The following AARS1 variants were observed in gnomAD, a reference collection of about 807,000 sequenced individuals.
AARS1 encodes alanine--tRNA ligase, cytoplasmic.
A neutral mutation model predicts 108.9 loss-of-function variants in AARS1; 72 were observed. The ratio of observed to expected loss-of-function variants is 0.66; its 90% CI spans 0.55 to 0.80. AARS1 has a LOEUF of 0.80. AARS1 is among the 30% of genes least tolerant of loss of function. AARS1 has a pLI of 0.00. For synonymous variants in AARS1, 489 were observed against 465.7 expected (o/e 1.05, Z -0.64); for missense variants, 1,193 against 1,233.2 (o/e 0.97, Z 0.49).
In AARS1 at chr16:70,252,636, G is replaced by T. The variant is rs940207219; in HGVS notation, c.*85C>A. On this transcript the variant is annotated 3_prime_UTR_variant, in exon 21 of 21. Coordinates refer to ENST00000261772, the MANE Select transcript of AARS1 (RefSeq NM_001605.3). ...GCTGGGTTAGGAGGGGCTCTTTAAA[G>T]GTCCCAAGATTCAAATGTTCTTGTA... is the stretch of plus-strand genomic sequence containing the variant. The T allele has an allele frequency of 2.0e-6, 3 of 1,496,896 alleles. No individual in the cohort carries two copies. Among genetic ancestry groups the T allele is most frequent in the Non-Finnish European group, 2.8e-6 (3 of 1,080,040 alleles). 92.7% of individuals were successfully genotyped at this position (1,496,896 alleles called of 1,614,324 possible). A position where few individuals can be genotyped will look rare whatever the true frequency, so the allele number is the denominator to read the frequency against.
chr16:70,263,092 G>T (rs549724002), intron 11 of AARS1, among the ~76,000 whole-genome samples: 2 of 151,616 alleles, frequency 1.3e-5, no homozygotes, highest in Admixed American at 1.3e-4. Context: ...GGACTGAGGG[G>T]TTTCCTGGGA....
intron 4 of AARS1, chr16:70,275,939 A>AAAAAAAAAAAC (rs1555542297): frequency 7.3e-6 from 1 of 136,668 alleles, no homozygotes; most frequent in African/African-American, 3.3e-5. Flanking sequence ...TCCATCTCAA[A>AAAAAAAAAAAC]AAAAAAAAAA....
rs1960066360 is a variant in AARS1, at chr16:70,259,005, G to T, written c.1967C>A (p.Ala656Asp). 2.5e-6 allele frequency: 4 copies of T among 1,614,208 alleles called. No homozygotes were observed. The highest frequency in any genetic ancestry group is 3.4e-6 in the Non-Finnish European group (4 of 1,180,042). ...CTTGGCTGCCTCAATCATCTCATTAGCAATCTCTTCAGCCTTCTTGATCTG... is the reference window on the plus strand; with the variant it reads ...CTTGGCTGCCTCAATCATCTCATTATCAATCTCTTCAGCCTTCTTGATCTG... The part of the protein sequence containing the change: ...TQQIKKAEEI[A>D]NEMIEAAKAV... The change falls in exon 14 of 21, where the codon GCT becomes GAT. Residue 656 changes from alanine (A) to aspartate (D), a missense_variant. Transcript: ENST00000261772.
rs1394220995 is a variant in AARS1 at position 70,264,979 on chromosome 16, A to C, written c.1471T>G (p.Leu491Val). 8.1e-6 allele frequency: 13 copies of C among 1,613,944 alleles called. No homozygotes were observed. The East Asian group carries it at 2.7e-4, about 33-fold the overall frequency. The change falls in exon 11 of 21, where the codon TTG (leucine) becomes GTG (valine). Residue 491 changes from leucine (L) to valine (V), a missense_variant. Coordinates refer to ENST00000261772, the MANE Select transcript of AARS1 (RefSeq NM_001605.3). ...ATACCATAGCTACCACTGGAGTCCA[A>C]ATGGTAATTGTACTTTGGGGAATCA... ...TDDSPKYNYH[L>V]DSSGSYVFEN...
intron 9 of AARS1, among the ~76,000 whole-genome samples, chr16:70,266,671 G>A (rs1031246919): frequency 1.3e-4 from 19 of 151,746 alleles, no homozygotes; most frequent in South Asian, 4.2e-4. Context: ...ATGGGTGCCC[G>A]CCATCATGCA....
intron 4 of AARS1, among the ~76,000 whole-genome samples, chr16:70,272,506 C>CAAAAAAAAA (rs34129241): frequency 5.9e-5 from 1 of 17,024 alleles, no homozygotes; most frequent in East Asian, 2.4e-3. Flanking sequence ...AACTCCATCT[C>CAAAAAAAAA]AAAAAAAAAA....
chr16:70,276,404 T>C, intron 4 of AARS1, 82 bp downstream of exon 4: 2 of 1,476,792 alleles, frequency 1.4e-6, no homozygotes, highest in South Asian at 2.3e-5. Flanking sequence ...AATGACCACA[T>C]ATTCCAGGTC....
At position 70,260,883 on chromosome 16, in the gene AARS1, C is replaced by T. The variant is rs375067675; in HGVS notation, c.1785+161G>A. 3.3e-5 allele frequency among the ~76,000 whole-genome samples: 5 copies of T among 152,148 alleles called. No individual in the cohort carries two copies. The South Asian group carries it at 8.3e-4, about 25-fold the overall frequency. ...TTCACCGTGTTAGCCAGGATGGTCTCGATCTCCTGACCTCATGATCCACCC... is the reference window on the plus strand; with the variant it reads ...TTCACCGTGTTAGCCAGGATGGTCTTGATCTCCTGACCTCATGATCCACCC... On this transcript the variant is annotated intron_variant, in intron 13 of 20. Transcript: ENST00000261772.
chr16:70,272,506 CAAAAAAAAAAAAAAAAAA>C (rs34129241), intron 4 of AARS1, among the ~76,000 whole-genome samples: 1 of 17,022 alleles, frequency 5.9e-5, no homozygotes, highest in Non-Finnish European at 1.1e-4. Flanking sequence ...AACTCCATCT[CAAAAAAAAAAAAAAAAAA>C]AAAAAAAAAA....
chr16:70,279,063 T>C (rs1206917546), intron 2 of AARS1, among the ~76,000 whole-genome samples: 1 of 152,028 alleles, frequency 6.6e-6, no homozygotes, highest in Non-Finnish European at 1.5e-5. Context: ...TAAGAAAATG[T>C]TTACAAGGCC....
chr16:70,265,338 G>C, intron 10 of AARS1, 200 bp downstream of exon 10: 1 of 984,988 alleles, frequency 1.0e-6, no homozygotes, highest in Non-Finnish European at 1.6e-6. Flanking sequence ...TCTGCCCCTA[G>C]TTGTGAAAAT....
chr16:70,252,943 AG>A, intron 20 of AARS1, 37 bp from the exon 21 acceptor site: 1 of 1,603,796 alleles, frequency 6.2e-7, no homozygotes, highest in Non-Finnish European at 8.5e-7. Flanking sequence ...TCAGCACAGA[AG>A]ATGGGATTGA....
At chr16:70,280,060 T>A (rs1960657570) in intron 2 of AARS1, among the ~76,000 whole-genome samples, 1 of 152,000 alleles carries the variant, frequency 6.6e-6, no homozygotes, top group South Asian at 2.1e-4. Flanking sequence ...TTTCAATTTT[T>A]CTTTTGCTTT....
chr16:70,282,891 G>A (rs1960738978), intron 1 of AARS1, 107 bp from the exon 2 acceptor site: 3 of 1,099,352 alleles, frequency 2.7e-6, no homozygotes, highest in East Asian at 2.4e-5. Context: ...CGACTCAGGT[G>A]AGCTGTTTGA....
chr16:70,269,511 G>A, intron 7 of AARS1, 107 bp downstream of exon 7: 1 of 1,505,020 alleles, frequency 6.6e-7, no homozygotes. Flanking sequence ...TCCAGCCTGG[G>A]CAACAGAGCA....
intron 13 of AARS1, 109 bp from the exon 14 acceptor site, chr16:70,259,295 C>T: frequency 1.7e-6 from 2 of 1,156,986 alleles, no homozygotes; most frequent in East Asian, 4.8e-5. Context: ...TATGGCTGTG[C>T]AGAATAAAGG....
Position 70,252,667 on chromosome 16 carries a change from T to C in AARS1, c.*54A>G. Reference sequence around the variant, plus strand: ...AAGATTCAAATGTTCTTGTAGCAGATGAAGAGCTCTTGGCTGGACGGATGG... The same window carrying C: ...AAGATTCAAATGTTCTTGTAGCAGACGAAGAGCTCTTGGCTGGACGGATGG... On this transcript the variant is annotated 3_prime_UTR_variant, in exon 21 of 21. Transcript: ENST00000261772. 1 of 1,590,554 alleles carries C rather than the reference T, an allele frequency of 6.3e-7. No homozygotes were observed. Among genetic ancestry groups the C allele is most frequent in the South Asian group, 1.1e-5 (1 of 90,178 alleles).
rs1567610634 is a variant in AARS1 at position 70,277,021 on chromosome 16, T to TA, written c.277dup (p.Tyr93LeufsTer19). On this transcript the variant is annotated frameshift_variant, in exon 3 of 21. Transcript: ENST00000261772. LOFTEE classifies it high-confidence loss of function. ...CAGCATCTCGAAGAAGGTGTGATGA[T>TA]AGACATCCTTGCCCACATCGTCCAG... 6.2e-7 allele frequency: 1 copy of TA among 1,614,214 alleles called. No individual in the cohort carries two copies.
intron 9 of AARS1, 118 bp from the exon 10 acceptor site, chr16:70,265,780 G>A (rs562905854): frequency 6.2e-6 from 8 of 1,283,484 alleles, no homozygotes; most frequent in South Asian, 2.5e-5. Context: ...TATCAGTATC[G>A]GCCCTGTGTG....
Sources: allele counts gnomAD v4.1 joint callset (sites outside exome capture counted in the v4.1 genomes callset), GRCh38; gene constraint gnomAD v4.1.1; transcripts MANE v1.5; gene names NCBI Gene and HGNC (gene_info 2026-07-23, HGNC 2026-07-21).